The following BBOX1 variants were observed in gnomAD, a reference collection of about 807,000 sequenced individuals.
The protein encoded by BBOX1 is gamma-butyrobetaine hydroxylase 1.
Under a neutral mutation model 41.6 loss-of-function variants are expected in BBOX1, and 35 were observed. The ratio of observed to expected loss-of-function variants is 0.84; its 90% CI spans 0.64 to 1.11. The LOEUF (loss-of-function observed/expected upper bound fraction) is 1.11. Ranked by LOEUF, BBOX1 falls within the 50% of genes most tolerant of loss-of-function variation. The pLI is 0.00. For synonymous variants in BBOX1, 163 were observed against 154.7 expected, an observed-to-expected ratio of 1.05 and a Z score of -0.40; for missense variants, 458 against 460.6, an observed-to-expected ratio of 0.99 and a Z score of 0.05.
intron 4 of BBOX1, among the ~76,000 whole-genome samples, chr11:27,062,580 G>A (rs920120795): frequency 2.7e-5 from 4 of 149,038 alleles, no homozygotes; most frequent in African/African-American, 1.0e-4. Flanking sequence ...TTTTTTTTGA[G>A]ACGGAGTCTT....
chr11:27,106,249 CT>C (rs1360326350), intron 5 of BBOX1, among the ~76,000 whole-genome samples: 3 of 151,798 alleles, frequency 2.0e-5, no homozygotes, highest in African/African-American at 7.3e-5. Context: ...CAATACTAAC[CT>C]TAAATGTAAA....
chr11:27,079,673 G>A (rs1857765036), intron 4 of BBOX1, among the ~76,000 whole-genome samples: 1 of 152,130 alleles, frequency 6.6e-6, no homozygotes, highest in Admixed American at 6.6e-5. Flanking sequence ...GGCAATGATA[G>A]AGGGGATTAT....
chr11:27,069,458 T>C (rs1051405152), intron 4 of BBOX1, among the ~76,000 whole-genome samples: 2 of 152,136 alleles, frequency 1.3e-5, no homozygotes, highest in Non-Finnish European at 2.9e-5. Flanking sequence ...TTATGAAATC[T>C]AGAAGTCTTT....
At chr11:27,052,061 TTTG>T (rs1471710079) in intron 2 of BBOX1, among the ~76,000 whole-genome samples, 1 of 151,988 alleles carries the variant, frequency 6.6e-6, no homozygotes, top group African/African-American at 2.4e-5. Flanking sequence ...TGTTCAGGAG[TTTG>T]TTGTTTAATT....
intron 5 of BBOX1, among the ~76,000 whole-genome samples, chr11:27,104,473 T>C (rs1420983405): frequency 6.6e-6 from 1 of 152,158 alleles, no homozygotes; most frequent in Non-Finnish European, 1.5e-5. Flanking sequence ...AGATGTTGTA[T>C]AGGGAGAATT....
intron 2 of BBOX1, among the ~76,000 whole-genome samples, chr11:27,048,015 T>C (rs1324994258): frequency 6.6e-6 from 1 of 152,142 alleles, no homozygotes; most frequent in Non-Finnish European, 1.5e-5. Context: ...GTAAACATAA[T>C]GGTCAGTGTG....
intron 5 of BBOX1, among the ~76,000 whole-genome samples, chr11:27,098,962 G>A (rs545822052): frequency 1.4e-4 from 21 of 151,984 alleles, no homozygotes; most frequent in African/African-American, 2.7e-4. Flanking sequence ...AAATGGTGGC[G>A]TAATCAAGGT....
At chr11:27,101,499 C>T (rs1203022580) in intron 5 of BBOX1, among the ~76,000 whole-genome samples, 1 of 152,056 alleles carries the variant, frequency 6.6e-6, no homozygotes, top group African/African-American at 2.4e-5. Flanking sequence ...TTAATTATTT[C>T]ACATTTTTGC....
At chr11:27,092,423 T>C (rs1028992624) in intron 4 of BBOX1, among the ~76,000 whole-genome samples, 33 of 152,024 alleles carry the variant, frequency 2.2e-4, no homozygotes, top group African/African-American at 7.7e-4. Flanking sequence ...AATTTGCATT[T>C]CCTCTGTGTT....
intron 4 of BBOX1, among the ~76,000 whole-genome samples, chr11:27,068,322 C>G (rs1166334625): frequency 6.6e-6 from 1 of 152,056 alleles, no homozygotes; most frequent in Non-Finnish European, 1.5e-5. Flanking sequence ...TCCCTGATGA[C>G]TAGTGATGCT....
chr11:27,093,273 T>A lies in BBOX1; in HGVS notation c.440T>A (p.Val147Glu). Residue 147 changes from valine (V) to glutamate (E), a missense_variant, in exon 5 of 9, where the codon GTA becomes GAA. Transcript: ENST00000263182. ...AAGTGGCTCTCCACCCTCAAGAAAG[T>A]AGGCATAGTAAGACTCACCGGAGCA... The part of the protein sequence containing the change: ...AYKWLSTLKK[V>E]GIVRLTGASD... 1 of 1,612,526 alleles carries A rather than the reference T, an allele frequency of 6.2e-7. No individual in the cohort carries two copies. The highest frequency in any genetic ancestry group is 8.5e-7 in the Non-Finnish European group (1 of 1,179,034).
At chr11:27,124,920 C>A (rs1463506877) in intron 7 of BBOX1, among the ~76,000 whole-genome samples, 1 of 152,112 alleles carries the variant, frequency 6.6e-6, no homozygotes, top group Admixed American at 6.5e-5. Context: ...TAAGAGCTCT[C>A]AAATTACTAA....
At chr11:27,055,252 C>G (rs764359575) in intron 2 of BBOX1, 141 bp from the exon 3 acceptor site, 2 of 566,592 alleles carry the variant, frequency 3.5e-6, no homozygotes, top group Non-Finnish European at 6.2e-6. Context: ...AACAAAGGTC[C>G]CAGCGTCAAT....
chr11:27,083,547 T>C (rs960829784), intron 4 of BBOX1, among the ~76,000 whole-genome samples: 18 of 152,092 alleles, frequency 1.2e-4, no homozygotes, highest in Non-Finnish European at 2.2e-4. Flanking sequence ...TCTTCTCTCA[T>C]CCTTCAGAAT....
intron 4 of BBOX1, among the ~76,000 whole-genome samples, chr11:27,067,617 G>A (rs1472184752): frequency 6.7e-6 from 1 of 149,688 alleles, no homozygotes. Context: ...GTAGTCCCAG[G>A]TACTCTGGAG....
chr11:27,106,467 A>C (rs944918821), intron 5 of BBOX1, among the ~76,000 whole-genome samples: 13 of 152,142 alleles, frequency 8.5e-5, no homozygotes, highest in Non-Finnish European at 1.9e-4. Flanking sequence ...AGACTTTAAA[A>C]CAGCAAAGAT....
intron 4 of BBOX1, among the ~76,000 whole-genome samples, chr11:27,075,042 GT>G (rs924275901): frequency 5.3e-5 from 8 of 152,166 alleles, no homozygotes; most frequent in Non-Finnish European, 1.2e-4. Context: ...ATAGAACCCT[GT>G]TTTTTTATAC....
chr11:27,053,159 G>A (rs901152311), intron 2 of BBOX1, among the ~76,000 whole-genome samples: 5 of 152,176 alleles, frequency 3.3e-5, no homozygotes, highest in African/African-American at 1.2e-4. Context: ...TCTTCTCCTG[G>A]TTGTCTGGAA....
intron 8 of BBOX1, among the ~76,000 whole-genome samples, chr11:27,126,970 G>A (rs949074581): frequency 6.6e-6 from 1 of 152,024 alleles, no homozygotes; most frequent in Non-Finnish European, 1.5e-5. Flanking sequence ...CACCGCGCCC[G>A]GCAGAAGAAA....
Sources: allele counts gnomAD v4.1 joint callset (sites outside exome capture counted in the v4.1 genomes callset), GRCh38; gene constraint gnomAD v4.1.1; transcripts MANE v1.5; gene names NCBI Gene and HGNC (gene_info 2026-07-23, HGNC 2026-07-21).